ANKS1B: variants seen among roughly 807,000 people sequenced by gnomAD.
ANKS1B encodes the protein ankyrin repeat and sterile alpha motif domain containing 1B, also known as ankyrin repeat and sterile alpha motif domain-containing protein 1B.
Under a neutral mutation model 148.3 loss-of-function variants are expected in ANKS1B, and 36 were observed. That is an observed-to-expected ratio of 0.24 (90% CI 0.19 to 0.32). The LOEUF (loss-of-function observed/expected upper bound fraction) is 0.32. Among genes scored for constraint, ANKS1B ranks in the 10% least tolerant of loss-of-function variants. The pLI, the probability that ANKS1B is intolerant of heterozygous loss-of-function variation, is 1.00. For missense variants in ANKS1B, 1,157 were observed against 1,542.6 expected (o/e 0.75, Z 4.19); for synonymous variants, 542 against 560.8 (o/e 0.97, Z 0.47).
intron 8 of ANKS1B, among the ~76,000 whole-genome samples, chr12:99,697,714 G>C (rs1236471283): frequency 6.6e-6 from 1 of 152,030 alleles, no homozygotes; most frequent in East Asian, 1.9e-4. Flanking sequence ...AACACAAAGA[G>C]TAAAACCCTA....
intron 9 of ANKS1B, among the ~76,000 whole-genome samples, chr12:99,605,333 A>C (rs919344913): frequency 2.0e-4 from 31 of 152,098 alleles, no homozygotes; most frequent in Non-Finnish European, 4.0e-4. Context: ...TTGCAGTGAA[A>C]ACATTAAAAA....
chr12:99,346,286 C>A (rs995366756), intron 12 of ANKS1B, among the ~76,000 whole-genome samples: 2 of 151,248 alleles, frequency 1.3e-5, no homozygotes, highest in Non-Finnish European at 3.0e-5. Flanking sequence ...AGTTACCCCC[C>A]TGCCTAAACA....
chr12:99,967,792 A>G (rs1203594798), intron 1 of ANKS1B, among the ~76,000 whole-genome samples: 1 of 151,592 alleles, frequency 6.6e-6, no homozygotes, highest in Non-Finnish European at 1.5e-5. Context: ...CTGTAGTCCC[A>G]GCTACTCTGG....
chr12:99,010,129 G>C (rs1157175233), intron 17 of ANKS1B, among the ~76,000 whole-genome samples: 1 of 152,202 alleles, frequency 6.6e-6, no homozygotes, highest in Non-Finnish European at 1.5e-5. Context: ...TCATTCTTGG[G>C]AGAGGCAGAG....
chr12:99,321,585 T>A (rs1419654151), intron 12 of ANKS1B, among the ~76,000 whole-genome samples: 2 of 152,184 alleles, frequency 1.3e-5, no homozygotes, highest in Non-Finnish European at 2.9e-5. Context: ...GTGTCCTGAT[T>A]TTCCAGGTAC....
At chr12:99,521,162 T>C (rs1481128976) in intron 9 of ANKS1B, among the ~76,000 whole-genome samples, 2 of 152,172 alleles carry the variant, frequency 1.3e-5, no homozygotes, top group African/African-American at 2.4e-5. Flanking sequence ...AATTCTACCA[T>C]TAAAAGACTC....
At chr12:99,616,317 G>C (rs1188870768) in intron 9 of ANKS1B, among the ~76,000 whole-genome samples, 1 of 152,074 alleles carries the variant, frequency 6.6e-6, no homozygotes, top group African/African-American at 2.4e-5. Context: ...AACCACAAAA[G>C]AGCCTGCGTA....
chr12:99,954,725 G>C (rs2095287572), intron 1 of ANKS1B, among the ~76,000 whole-genome samples: 1 of 152,144 alleles, frequency 6.6e-6, no homozygotes, highest in South Asian at 2.1e-4. Flanking sequence ...GCAATGTCTA[G>C]AGATGATTTT....
chr12:99,354,202 C>G (rs1170844775), intron 12 of ANKS1B, among the ~76,000 whole-genome samples: 1 of 151,952 alleles, frequency 6.6e-6, no homozygotes, highest in Non-Finnish European at 1.5e-5. Context: ...TCACTGGGGT[C>G]TGAAATGAAC....
At chr12:99,061,677 GTC>G (rs2042504782) in intron 16 of ANKS1B, among the ~76,000 whole-genome samples, 2 of 152,198 alleles carry the variant, frequency 1.3e-5, no homozygotes, top group African/African-American at 4.8e-5. Context: ...TATTATGAAT[GTC>G]TCTATTTCAG....
At chr12:99,973,574 C>T (rs541561586) in intron 1 of ANKS1B, among the ~76,000 whole-genome samples, 1 of 152,058 alleles carries the variant, frequency 6.6e-6, no homozygotes, top group African/African-American at 2.4e-5. Flanking sequence ...AGAGTGAGAC[C>T]CTATCACAAA....
At chr12:99,116,190 G>C (rs1173505246) in intron 15 of ANKS1B, among the ~76,000 whole-genome samples, 1 of 152,156 alleles carries the variant, frequency 6.6e-6, no homozygotes, top group Non-Finnish European at 1.5e-5. Context: ...TACCCTTAAA[G>C]ACACAACCTA....
intron 1 of ANKS1B, among the ~76,000 whole-genome samples, chr12:99,934,891 A>G (rs2094719679): frequency 6.6e-6 from 1 of 152,116 alleles, no homozygotes; most frequent in African/African-American, 2.4e-5. Context: ...TAGAATCTCT[A>G]CAGAAGGATA....
intron 20 of ANKS1B, among the ~76,000 whole-genome samples, chr12:98,806,771 GA>G (rs996515488): frequency 2.0e-5 from 3 of 152,186 alleles, no homozygotes; most frequent in African/African-American, 7.2e-5. Flanking sequence ...TGGTTATACT[GA>G]ATTTGTTCCT....
chr12:99,122,150 C>A (rs574373358), intron 15 of ANKS1B, among the ~76,000 whole-genome samples: 1 of 151,880 alleles, frequency 6.6e-6, no homozygotes, highest in East Asian at 1.9e-4. Context: ...GGATAATGAT[C>A]GATTTTGTGA....
intron 9 of ANKS1B, among the ~76,000 whole-genome samples, chr12:99,590,258 C>CCCACACACACA (rs1555503129): frequency 1.5e-5 from 2 of 132,806 alleles, no homozygotes; most frequent in South Asian, 2.5e-4. Flanking sequence ...CCACACCCAC[C>CCCACACACACA]CACACACACA....
chr12:99,304,187 C>T (rs765319760), intron 12 of ANKS1B, among the ~76,000 whole-genome samples: 1 of 152,122 alleles, frequency 6.6e-6, no homozygotes, highest in Non-Finnish European at 1.5e-5. Flanking sequence ...AAGGAGTCTC[C>T]ATACTGTTTT....
chr12:99,450,529 G>GT (rs1326601176), intron 10 of ANKS1B, among the ~76,000 whole-genome samples: 12 of 151,862 alleles, frequency 7.9e-5, no homozygotes, highest in African/African-American at 9.7e-5. Flanking sequence ...CTTCTTGAAT[G>GT]TTTTTTTTCT....
chr12:99,803,529 T>C (rs2067231703), intron 4 of ANKS1B, among the ~76,000 whole-genome samples: 2 of 152,126 alleles, frequency 1.3e-5, no homozygotes, highest in African/African-American at 4.8e-5. Flanking sequence ...TACTTCTGAT[T>C]AGGTGTTCAA....
Sources: gnomAD v4.1 joint callset for allele counts (sites outside exome capture counted in the v4.1 genomes callset) on GRCh38, gnomAD v4.1.1 for gene constraint, MANE v1.5 for transcripts, NCBI Gene and HGNC (gene_info 2026-07-23, HGNC 2026-07-21) for gene names.